SLC26A7: variants seen among roughly 807,000 people sequenced by gnomAD.
SLC26A7 encodes solute carrier family 26 member 7, also known as anion exchange transporter.
In SLC26A7, 59 loss-of-function variants were observed where a neutral mutation model predicts 82.5. The ratio of observed to expected loss-of-function variants is 0.72; its 90% CI spans 0.58 to 0.89. SLC26A7 has a LOEUF of 0.89. Among genes scored for constraint, SLC26A7 ranks in the 40% least tolerant of loss-of-function variants. The pLI is 0.00. For synonymous variants in SLC26A7, 271 were observed against 274.3 expected (o/e 0.99, Z 0.12); for missense variants, 820 against 793.0 (o/e 1.03, Z -0.41).
intron 2 of SLC26A7, among the ~76,000 whole-genome samples, chr8:91,280,561 C>T (rs1243597606): frequency 6.6e-6 from 1 of 152,138 alleles, no homozygotes; most frequent in Admixed American, 6.5e-5. Flanking sequence ...GCCAAGGCCA[C>T]CAGTGCTCTC....
chr8:91,283,179 G>T (rs1811620464), intron 2 of SLC26A7, among the ~76,000 whole-genome samples: 1 of 152,074 alleles, frequency 6.6e-6, no homozygotes, highest in Non-Finnish European at 1.5e-5. Flanking sequence ...AATGTTAAGG[G>T]ATTCAAGATA....
At chr8:91,252,649 G>A (rs1586323235) in intron 2 of SLC26A7, among the ~76,000 whole-genome samples, 1 of 147,738 alleles carries the variant, frequency 6.8e-6, no homozygotes, top group Non-Finnish European at 1.5e-5. Context: ...TCATGCTAAT[G>A]AAACTTTCTT....
chr8:91,224,525 AG>A (rs1190235056), intron 2 of SLC26A7, among the ~76,000 whole-genome samples: 2 of 152,128 alleles, frequency 1.3e-5, no homozygotes, highest in Non-Finnish European at 2.9e-5. Flanking sequence ...ATGTCACTCA[AG>A]GAGGCTGGAC....
chr8:91,234,383 C>T (rs1226032785), intron 2 of SLC26A7, among the ~76,000 whole-genome samples: 1 of 152,074 alleles, frequency 6.6e-6, no homozygotes, highest in African/African-American at 2.4e-5. Flanking sequence ...TTCTAGGTCT[C>T]TTAAGAAGTA....
Position 91,329,741 on chromosome 8 carries a change from C to A in SLC26A7, c.643-4554C>A, listed in dbSNP as rs141764615. ...GATATTTGTCTTCTTCCTGACAGAT[C>A]ATCTAAATAATATTCTCAATTTTAT... On this transcript the variant is annotated intron_variant, in intron 5 of 18. Coordinates refer to ENST00000276609, the MANE Select transcript of SLC26A7 (RefSeq NM_052832.4). Among the ~76,000 whole-genome samples the A allele has an allele frequency of 3.4e-3, 516 of 152,188 alleles. 9 individuals are homozygous for A. Among genetic ancestry groups the A allele is most frequent in the South Asian group, 0.027 (128 of 4,824 alleles).
intron 5 of SLC26A7, among the ~76,000 whole-genome samples, chr8:91,321,114 G>T (rs113723364): frequency 2.2e-3 from 329 of 152,354 alleles, no homozygotes; most frequent in African/African-American, 7.6e-3. Flanking sequence ...CACAGGGGAT[G>T]TCTGATTCTG....
intron 4 of SLC26A7, among the ~76,000 whole-genome samples, chr8:91,303,978 A>G (rs969522280): frequency 6.6e-6 from 1 of 152,218 alleles, no homozygotes; most frequent in Admixed American, 6.5e-5. Flanking sequence ...CTGTGTTTGT[A>G]CCTGGCAAAG....
At chr8:91,319,163 G>A (rs578208843) in intron 5 of SLC26A7, among the ~76,000 whole-genome samples, 1 of 152,188 alleles carries the variant, frequency 6.6e-6, no homozygotes, top group African/African-American at 2.4e-5. Flanking sequence ...CTGTTATTGA[G>A]GTGGTTTCTG....
intron 11 of SLC26A7, among the ~76,000 whole-genome samples, chr8:91,359,898 GCA>G (rs1563698549): frequency 6.6e-6 from 1 of 150,788 alleles, no homozygotes; most frequent in African/African-American, 2.5e-5. Flanking sequence ...GTGTGTGTGC[GCA>G]TGTGTGTGTA....
chr8:91,356,854 T>C (rs1813883654), intron 11 of SLC26A7, among the ~76,000 whole-genome samples: 1 of 152,146 alleles, frequency 6.6e-6, no homozygotes, highest in African/African-American at 2.4e-5. Context: ...TTATTTAGAA[T>C]TGTAATGCAT....
chr8:91,338,589 C>T (rs1813310666), intron 7 of SLC26A7, among the ~76,000 whole-genome samples: 1 of 152,128 alleles, frequency 6.6e-6, no homozygotes, highest in South Asian at 2.1e-4. Context: ...TGACTATTTT[C>T]ATTTCACTTA....
intron 2 of SLC26A7, among the ~76,000 whole-genome samples, chr8:91,259,006 C>G (rs1189186376): frequency 6.6e-6 from 1 of 152,032 alleles, no homozygotes; most frequent in Non-Finnish European, 1.5e-5. Flanking sequence ...ATCTCCTTGG[C>G]CTCTCTCACT....
intron 5 of SLC26A7, among the ~76,000 whole-genome samples, chr8:91,331,011 A>G (rs528572966): frequency 6.6e-6 from 1 of 152,246 alleles, no homozygotes; most frequent in African/African-American, 2.4e-5. Flanking sequence ...CTTGGCTTGC[A>G]GATGGTGGCC....
chr8:91,313,720 T>A, intron 4 of SLC26A7, among the ~76,000 whole-genome samples: 1 of 152,308 alleles, frequency 6.6e-6, no homozygotes, highest in Middle Eastern at 3.4e-3. Flanking sequence ...GTGAACTGTA[T>A]CTTTAGCTGT....
At chr8:91,355,931 T>C (rs1813854024) in intron 11 of SLC26A7, among the ~76,000 whole-genome samples, 1 of 152,056 alleles carries the variant, frequency 6.6e-6, no homozygotes, top group South Asian at 2.1e-4. Flanking sequence ...CCTGTGTCCA[T>C]GTGTTCTCAT....
upstream of SLC26A7, among the ~76,000 whole-genome samples, chr8:91,244,981 T>C (rs1260987493): frequency 6.6e-6 from 1 of 152,192 alleles, no homozygotes; most frequent in African/African-American, 2.4e-5. Flanking sequence ...ATGTTGGCAA[T>C]CATTGTTGAG....
At chr8:91,342,084 T>C (rs1192534848) in intron 8 of SLC26A7, among the ~76,000 whole-genome samples, 1 of 151,438 alleles carries the variant, frequency 6.6e-6, no homozygotes, top group Non-Finnish European at 1.5e-5. Flanking sequence ...TGCACCACCA[T>C]GCCTGGCTAC....
At chr8:91,344,068 TTGA>T (rs1487633694) in intron 9 of SLC26A7, 1 of 985,124 alleles carries the variant, frequency 1.0e-6, no homozygotes, top group Non-Finnish European at 1.2e-6. Context: ...GATGTTGCTA[TTGA>T]TGATGATGGT....
chr8:91,377,671 G>C (rs2130890088), intron 15 of SLC26A7, among the ~76,000 whole-genome samples: 1 of 152,336 alleles, frequency 6.6e-6, no homozygotes, highest in South Asian at 2.1e-4. Context: ...GCATTGCACA[G>C]TCACAAGAGC....
Sources: gnomAD v4.1 joint callset for allele counts (sites outside exome capture counted in the v4.1 genomes callset) on GRCh38, gnomAD v4.1.1 for gene constraint, MANE v1.5 for transcripts, NCBI Gene and HGNC (gene_info 2026-07-23, HGNC 2026-07-21) for gene names.